The following TEX15 variants were observed in gnomAD, a reference collection of about 807,000 sequenced individuals.
TEX15 encodes the protein testis expressed 15, meiosis and synapsis associated.
TEX15 carries 171 observed loss-of-function variants against 237.3 expected under a neutral mutation model. The observed-to-expected ratio is 0.72, with a 90% CI of 0.64 to 0.82. TEX15 has a LOEUF of 0.82. Among genes scored for constraint, TEX15 ranks in the 40% least tolerant of loss-of-function variants. The probability of loss-of-function intolerance (pLI) is 0.00; values close to 1 mark genes in which losing one functional copy is unlikely to be tolerated. For synonymous variants in TEX15, 1,338 were observed against 1,269.8 expected, an observed-to-expected ratio of 1.05 and a Z score of -1.14; for missense variants, 3,750 against 3,646.5, an observed-to-expected ratio of 1.03 and a Z score of -0.73.
intron 2 of TEX15, among the ~76,000 whole-genome samples, chr8:30,895,663 T>C (rs1270210142): frequency 1.4e-5 from 2 of 143,036 alleles, no homozygotes; most frequent in East Asian, 2.0e-4. Context: ...TGTCAACACC[T>C]TTTAAACACA....
In TEX15 at chr8:30,838,053, C is replaced by T. The variant is rs773555025; in HGVS notation, c.8231G>A (p.Gly2744Glu). 1.2e-6 allele frequency: 2 copies of T among 1,608,170 alleles called. No homozygotes were observed. Among genetic ancestry groups the T allele is most frequent in the South Asian group, 2.2e-5 (2 of 89,472 alleles). Residue 2744 changes from glycine to glutamate, a missense_variant, in exon 10 of 11, where the codon GGA becomes GAA. Coordinates refer to ENST00000643185, the MANE Select transcript of TEX15 (RefSeq NM_001350162.2). ...KATFKHPRTT[G>E]SHPKSENKIV... Reference sequence around the variant, plus strand: ...TTTGTTTTCGCTTTTGGGATGAGATCCTGTAGTCCTATTAGGTGCAACACA... The same window carrying T: ...TTTGTTTTCGCTTTTGGGATGAGATTCTGTAGTCCTATTAGGTGCAACACA...
Position 30,847,195 on chromosome 8 carries a change from G to A in TEX15, c.2972C>T (p.Thr991Ile), listed in dbSNP as rs1308626970. Residue 991 changes from threonine to isoleucine, a missense_variant, in exon 8 of 11, where the codon ACT becomes ATT. By Grantham distance (89) the Thr-to-Ile change is moderately conservative. Transcript: ENST00000643185. ...ATTATTTAGGCTTAATGCAGGCATA[G>A]TAGCACTAGCTATCTGTATTGCAGC... ...SNAAIQIASATMPALSLNNDD... is the reference protein window; with the variant it reads ...SNAAIQIASAIMPALSLNNDD... 1.2e-6 allele frequency: 2 copies of A among 1,613,866 alleles called. No homozygotes were observed. The highest frequency in any genetic ancestry group is 2.2e-5 in the East Asian group (1 of 44,888).
In TEX15 at chr8:30,843,184, G is replaced by A. The variant is rs200609478; in HGVS notation, c.6983C>T (p.Ser2328Phe). 1.9e-6 allele frequency: 3 copies of A among 1,613,424 alleles called. No individual in the cohort carries two copies. The highest frequency in any genetic ancestry group is 2.2e-5 in the East Asian group (1 of 44,822). ...LSKDLNNEPI[S>F]PIGLEEDTII... ...AGTATCCTCCTCAAGCCCAATAGGG[G>A]AAATTGGTTCATTGTTTAAATCTTT... is the stretch of plus-strand genomic sequence containing the variant. The change falls in exon 8 of 11, where the codon TCC becomes TTC. Residue 2328 changes from serine to phenylalanine, a missense_variant. Ser to Phe is a radical substitution (Grantham distance 155, BLOSUM62 -2). Coordinates refer to ENST00000643185, the MANE Select transcript of TEX15 (RefSeq NM_001350162.2).
intron 1 of TEX15, among the ~76,000 whole-genome samples, chr8:30,909,419 T>G (rs1222896994): frequency 3.8e-5 from 1 of 26,220 alleles, no homozygotes; most frequent in African/African-American, 1.9e-4. Flanking sequence ...CACTCCCCCC[T>G]CAGGAGCAGC....
At position 30,847,187 on chromosome 8, in the gene TEX15, C is replaced by T; in HGVS notation, c.2980G>A (p.Ala994Thr). 1 of 1,613,922 alleles carries T rather than the reference C, an allele frequency of 6.2e-7. No individual in the cohort carries two copies. Among genetic ancestry groups the T allele is most frequent in the South Asian group, 1.1e-5 (1 of 91,078 alleles). The change falls in exon 8 of 11, where the codon GCA (alanine) becomes ACA (threonine). Residue 994 changes from alanine (A) to threonine (T), a missense_variant. Coordinates refer to ENST00000643185, the MANE Select transcript of TEX15 (RefSeq NM_001350162.2). ...TGATCGTCATTATTTAGGCTTAATG[C>T]AGGCATAGTAGCACTAGCTATCTGT... ...AIQIASATMPALSLNNDDHQI... is the reference protein window; with the variant it reads ...AIQIASATMPTLSLNNDDHQI...
At chr8:30,853,982 C>T (rs1268912705) in intron 7 of TEX15, among the ~76,000 whole-genome samples, 1 of 151,806 alleles carries the variant, frequency 6.6e-6, no homozygotes, top group Non-Finnish European at 1.5e-5. Context: ...TTACATATGT[C>T]ATGGGACACA....
intron 6 of TEX15, among the ~76,000 whole-genome samples, 176 bp from the exon 7 acceptor site, chr8:30,859,006 C>T (rs570240504): frequency 2.0e-5 from 3 of 152,094 alleles, no homozygotes; most frequent in Admixed American, 6.5e-5. Context: ...TTTTTCTCCC[C>T]CACAATTTTT....
intron 1 of TEX15, among the ~76,000 whole-genome samples, chr8:30,909,394 A>ACCCCCCCCCCCCCCCCCCCTCC (rs35046956): frequency 8.5e-6 from 1 of 118,340 alleles, no homozygotes; most frequent in African/African-American, 3.6e-5. Flanking sequence ...TTAAAGACAG[A>ACCCCCCCCCCCCCCCCCCCTCC]CCCCCCCCCG....
At chr8:30,835,897 TAACTG>T (rs1185582935) in intron 10 of TEX15, among the ~76,000 whole-genome samples, 1 of 152,226 alleles carries the variant, frequency 6.6e-6, no homozygotes, top group Non-Finnish European at 1.5e-5. Flanking sequence ...CTGTATTAGA[TAACTG>T]AGAGAAACAG....
chr8:30,864,618 GA>G (rs200930589), intron 5 of TEX15, among the ~76,000 whole-genome samples: 21,228 of 81,404 alleles, frequency 0.26, 2,811 homozygotes, highest in African/African-American at 0.45. Flanking sequence ...TCCCAGACCA[GA>G]AAAAAAAAAA....
In TEX15 at chr8:30,852,730, A is replaced by C. The variant is rs530474828; in HGVS notation, c.851-3414T>G. 4.0e-4 allele frequency among the ~76,000 whole-genome samples: 61 copies of C among 151,914 alleles called. No individual in the cohort carries two copies. The East Asian group carries it at 7.7e-3, about 19-fold the overall frequency. On this transcript the variant is annotated intron_variant, in intron 7 of 10. Transcript: ENST00000643185. ...TGAAATAAAAAAGTAGTAAGAAAAA[A>C]CCCCCAACAAATCCAACATCTTCAA...
chr8:30,895,959 G>A (rs1808898410), intron 2 of TEX15, among the ~76,000 whole-genome samples: 1 of 151,996 alleles, frequency 6.6e-6, no homozygotes, highest in Admixed American at 6.6e-5. Flanking sequence ...GATTACAATA[G>A]GTGTGAGCTA....
chr8:30,844,438 G>C lies in TEX15; in HGVS notation c.5729C>G (p.Pro1910Arg). ...CGGATTAGAAACTGTGTTCTTCAAA[G>C]GGACTGACTCAGTGGTAGTATTTTT... is the stretch of plus-strand genomic sequence containing the variant. ...STKNTTTESV[P>R]LKNTVSNPLN... Residue 1910 changes from proline (P) to arginine (R), a missense_variant, in exon 8 of 11, where the codon CCT (proline) becomes CGT (arginine). By Grantham distance (103) the Pro-to-Arg change is moderately radical. Coordinates refer to ENST00000643185, the MANE Select transcript of TEX15 (RefSeq NM_001350162.2). 6.2e-7 allele frequency: 1 copy of C among 1,612,494 alleles called. No individual in the cohort carries two copies. Among genetic ancestry groups the C allele is most frequent in the Non-Finnish European group, 8.5e-7 (1 of 1,179,372 alleles).
At chr8:30,903,756 A>C (rs1254695194) in intron 1 of TEX15, among the ~76,000 whole-genome samples, 1 of 152,210 alleles carries the variant, frequency 6.6e-6, no homozygotes, top group Admixed American at 6.5e-5. Context: ...ATGGCAAAAA[A>C]GTCACCACTT....
At chr8:30,855,095 C>T (rs1396234510) in intron 7 of TEX15, among the ~76,000 whole-genome samples, 1 of 152,008 alleles carries the variant, frequency 6.6e-6, no homozygotes, top group Non-Finnish European at 1.5e-5. Flanking sequence ...ACTTCTCTTA[C>T]TGAAGGTGCT....
chr8:30,860,914 C>T (rs1166091836), intron 5 of TEX15, among the ~76,000 whole-genome samples: 1 of 151,806 alleles, frequency 6.6e-6, no homozygotes, highest in African/African-American at 2.4e-5. Flanking sequence ...ACACGAATAG[C>T]TCAGAATTTT....
At chr8:30,875,809 A>ATT (rs879785043) in intron 3 of TEX15, among the ~76,000 whole-genome samples, 10 of 142,772 alleles carry the variant, frequency 7.0e-5, no homozygotes, top group African/African-American at 1.8e-4. Context: ...CATCTGGTCA[A>ATT]TTTTTTTTTT....
intron 1 of TEX15, among the ~76,000 whole-genome samples, chr8:30,907,218 CTCAT>C (rs1563281179): frequency 6.6e-6 from 1 of 152,136 alleles, no homozygotes; most frequent in African/African-American, 2.4e-5. Context: ...GCAATCATGG[CTCAT>C]TGTGTGCCTG....
At chr8:30,870,760 A>T (rs1462924251) in intron 4 of TEX15, among the ~76,000 whole-genome samples, 1 of 152,084 alleles carries the variant, frequency 6.6e-6, no homozygotes, top group Admixed American at 6.6e-5. Flanking sequence ...TCCAGATGTA[A>T]GACTTTGTTT....
Sources: gnomAD v4.1 joint callset for allele counts (sites outside exome capture counted in the v4.1 genomes callset) on GRCh38, gnomAD v4.1.1 for gene constraint, MANE v1.5 for transcripts, NCBI Gene and HGNC (gene_info 2026-07-23, HGNC 2026-07-21) for gene names.